LRRD1: variants seen among roughly 807,000 people sequenced by gnomAD.
LRRD1 encodes the protein leucine rich repeats and death domain containing 1.
LRRD1 carries 49 observed loss-of-function variants against 69.5 expected under a neutral mutation model. The observed-to-expected ratio is 0.70, with a 90% CI of 0.56 to 0.89. LRRD1 has a LOEUF of 0.89. Ranked by LOEUF, LRRD1 falls within the 40% of genes least tolerant of loss-of-function variation. The probability of loss-of-function intolerance (pLI) is 0.00; values close to 1 mark genes in which losing one functional copy is unlikely to be tolerated. For synonymous variants in LRRD1, 303 were observed against 338.9 expected, an observed-to-expected ratio of 0.89 and a Z score of 1.16; for missense variants, 853 against 956.0, an observed-to-expected ratio of 0.89 and a Z score of 1.42.
intron 1 of LRRD1, among the ~76,000 whole-genome samples, chr7:92,175,707 G>T (rs538471292): frequency 6.6e-6 from 1 of 152,168 alleles, no homozygotes; most frequent in Non-Finnish European, 1.5e-5. Flanking sequence ...GGTGTAGCCA[G>T]AGTGTAAGGA....
At chr7:92,160,640 C>G (rs1244032526) in intron 2 of LRRD1, among the ~76,000 whole-genome samples, 10 of 152,028 alleles carry the variant, frequency 6.6e-5, no homozygotes, top group Admixed American at 6.6e-4. Context: ...TGGTGAAACC[C>G]CGTCTCTACT....
Position 92,144,945 on chromosome 7 carries a change from A to T in LRRD1, c.2526T>A (p.Tyr842Ter). The T allele has an allele frequency of 6.5e-7, 1 of 1,541,560 alleles. No homozygotes were observed. The highest frequency in any genetic ancestry group is 8.8e-7 in the Non-Finnish European group (1 of 1,140,680). ...AAGCTGTTATTTTGTCCATAATTTC[A>T]TATGCTCCTATCATAGTTAGTGCTC... is the stretch of plus-strand genomic sequence containing the variant. The part of the protein sequence containing the change: ...LIRALTMIGA[Y>*]EIMDKITALN... Residue 842 changes from tyrosine to a stop codon, truncating the protein, a stop_gained, in exon 6 of 6, where the codon TAT becomes TAA. Transcript: ENST00000458448. LOFTEE classifies it high-confidence loss of function.
Position 92,163,614 on chromosome 7 carries a change from C to T in LRRD1, c.1589G>A (p.Cys530Tyr), listed in dbSNP as rs1326759936. 5.9e-6 allele frequency: 9 copies of T among 1,519,418 alleles called. No homozygotes were observed. Among genetic ancestry groups the T allele is most frequent in the South Asian group, 1.3e-5 (1 of 78,540 alleles). 94.1% of individuals were successfully genotyped at this position (1,519,418 alleles called of 1,614,324 possible). A position where few individuals can be genotyped will look rare whatever the true frequency, so the allele number is the denominator to read the frequency against. ...CAGGTATTTAAGATTAATAAGAGAA[C>T]AAAAGTGCTCAGAAAATATGAGGAG... ...NKLLIFSEHF[C>Y]SLINLKYLDL... The change falls in exon 2 of 6, where the codon TGT (cysteine) becomes TAT (tyrosine). Residue 530 changes from cysteine to tyrosine, a missense_variant. Cys to Tyr is a radical substitution (Grantham distance 194). Coordinates refer to ENST00000458448, the MANE Select transcript of LRRD1 (RefSeq NM_001161528.2).
chr7:92,170,473 T>G (rs568494335), intron 1 of LRRD1, among the ~76,000 whole-genome samples: 4 of 152,156 alleles, frequency 2.6e-5, no homozygotes, highest in Non-Finnish European at 4.4e-5. Context: ...AAAGAGAGGA[T>G]TCTAAAAGTG....
At chr7:92,149,832 C>T (rs1820421150) in intron 4 of LRRD1, 3 of 435,800 alleles carry the variant, frequency 6.9e-6, no homozygotes, top group African/African-American at 6.0e-5. Flanking sequence ...GGATTACAGG[C>T]ATGAGCCACC....
At chr7:92,177,169 T>C (rs1018947976) in intron 1 of LRRD1, among the ~76,000 whole-genome samples, 10 of 151,530 alleles carry the variant, frequency 6.6e-5, no homozygotes, top group African/African-American at 2.4e-4. Flanking sequence ...ATTATATTAC[T>C]GAGTAAATGT....
downstream of LRRD1, among the ~76,000 whole-genome samples, chr7:92,143,304 C>T (rs1820215328): frequency 6.6e-6 from 1 of 152,164 alleles, no homozygotes; most frequent in Non-Finnish European, 1.5e-5. Context: ...CTGACTTCAC[C>T]CGGTGGATCC....
chr7:92,142,021 C>A (rs930340004), downstream of LRRD1: 11 of 161,032 alleles, frequency 6.8e-5, no homozygotes, highest in Non-Finnish European at 1.1e-4. Context: ...TAGCTCACTG[C>A]AAGCTCTGCC....
intron 1 of LRRD1, among the ~76,000 whole-genome samples, chr7:92,173,322 A>C (rs189586677): frequency 1.3e-5 from 2 of 152,356 alleles, no homozygotes; most frequent in East Asian, 3.9e-4. Flanking sequence ...AAGTACAGGC[A>C]ACAAAAGCAA....
rs544145169 is a variant in LRRD1 at position 92,164,243 on chromosome 7, T to A, written c.960A>T (p.Lys320Asn). The change falls in exon 2 of 6, where the codon AAA (lysine) becomes AAT (asparagine). Residue 320 changes from lysine to asparagine, a missense_variant. Lys to Asn is a moderately conservative substitution (Grantham distance 94). Coordinates refer to ENST00000458448, the MANE Select transcript of LRRD1 (RefSeq NM_001161528.2). ...LTGNLISSLPKEIRELKNLET... is the reference protein window; with the variant it reads ...LTGNLISSLPNEIRELKNLET... ...CTAAATTTTTAAGCTCTCTAATTTC[T>A]TTTGGCAAACTGCTTATTAGGTTTC... 4 of 1,550,638 alleles carry A rather than the reference T, an allele frequency of 2.6e-6. No homozygotes were observed. The African/African-American group carries it at 4.1e-5, about 16-fold the overall frequency.
At chr7:92,142,231 C>A (rs556192918), downstream of LRRD1, 19 of 319,586 alleles carry the variant, frequency 5.9e-5, no homozygotes, top group South Asian at 4.7e-4. Context: ...CATGAGCCAC[C>A]CTGCCCGGGC....
At chr7:92,149,040 C>A (rs556493524) in intron 4 of LRRD1, among the ~76,000 whole-genome samples, 12 of 102,898 alleles carry the variant, frequency 1.2e-4, no homozygotes, top group African/African-American at 6.6e-4. Flanking sequence ...AGCCACCACA[C>A]CTGGCCAAAA....
Position 92,163,367 on chromosome 7 carries a change from A to G in LRRD1, c.1836T>C (p.Asn612=), listed in dbSNP as rs1346944198. 1.9e-6 allele frequency: 3 copies of G among 1,544,448 alleles called. No homozygotes were observed. The African/African-American group carries it at 4.1e-5, about 21-fold the overall frequency. Reference sequence around the variant, plus strand: ...GTTCAATAGGAAAATGTATAAATTGATTGCTTGAGAAGTTTAATTTCTGGA... The same window carrying G: ...GTTCAATAGGAAAATGTATAAATTGGTTGCTTGAGAAGTTTAATTTCTGGA... ...KGIQKLNFSS[N]QFIHFPIELC... Residue 612 remains asparagine (N), a synonymous_variant, in exon 2 of 6, where the codon AAT becomes AAC. Transcript: ENST00000458448.
intron 5 of LRRD1, among the ~76,000 whole-genome samples, chr7:92,145,643 G>A (rs1820306028): frequency 6.6e-6 from 1 of 151,848 alleles, no homozygotes; most frequent in African/African-American, 2.4e-5. Context: ...GTTTCACCGT[G>A]TTAGCCAGGC....
intron 3 of LRRD1, among the ~76,000 whole-genome samples, chr7:92,151,362 T>C (rs1165015440): frequency 6.6e-6 from 1 of 152,238 alleles, no homozygotes; most frequent in Non-Finnish European, 1.5e-5. Context: ...GTTCTCATTA[T>C]TAGACTGGGG....
intron 3 of LRRD1, among the ~76,000 whole-genome samples, chr7:92,151,289 A>G (rs1165320431): frequency 6.6e-6 from 1 of 152,162 alleles, no homozygotes; most frequent in African/African-American, 2.4e-5. Context: ...TGACCTTGAC[A>G]GTTTTAAGAA....
At chr7:92,150,282 A>G (rs563656525) in intron 4 of LRRD1, among the ~76,000 whole-genome samples, 1 of 152,188 alleles carries the variant, frequency 6.6e-6, no homozygotes, top group South Asian at 2.1e-4. Flanking sequence ...TGGGCAACAC[A>G]GTGAGACCCT....
At chr7:92,145,687 C>A (rs186694055) in intron 5 of LRRD1, among the ~76,000 whole-genome samples, 14 of 152,262 alleles carry the variant, frequency 9.2e-5, no homozygotes, top group Admixed American at 7.2e-4. Flanking sequence ...GATCCACCCG[C>A]CTCAGCTTCC....
downstream of LRRD1, chr7:92,142,400 A>G (rs867015413): frequency 2.2e-6 from 1 of 450,858 alleles, no homozygotes; most frequent in African/African-American, 2.0e-5. Flanking sequence ...CTTGGCATCC[A>G]GCTCTCGGCA....
Sources: gnomAD v4.1 joint callset for allele counts (sites outside exome capture counted in the v4.1 genomes callset) on GRCh38, gnomAD v4.1.1 for gene constraint, MANE v1.5 for transcripts, NCBI Gene and HGNC (gene_info 2026-07-23, HGNC 2026-07-21) for gene names.